The following DLGAP2 variants were observed in gnomAD, a reference collection of about 807,000 sequenced individuals.
DLGAP2 encodes the protein DLG associated protein 2, also known as disks large-associated protein 2.
DLGAP2 carries 26 observed loss-of-function variants against 100.3 expected under a neutral mutation model. The ratio of observed to expected loss-of-function variants is 0.26; its 90% CI spans 0.19 to 0.36. DLGAP2 has a LOEUF of 0.36. Ranked by LOEUF, DLGAP2 falls within the 10% of genes least tolerant of loss-of-function variation. The pLI is 1.00. For missense variants in DLGAP2, 1,858 were observed against 1,453.2 expected (o/e 1.28, Z -4.53); for synonymous variants, 886 against 630.1 (o/e 1.41, Z -6.08).
chr8:1,423,849 C>G (rs1181229990), intron 3 of DLGAP2, among the ~76,000 whole-genome samples: 1 of 152,178 alleles, frequency 6.6e-6, no homozygotes. Context: ...TTTCAAATGA[C>G]ACTTGCACGT....
intron 11 of DLGAP2, among the ~76,000 whole-genome samples, chr8:1,676,887 C>A (rs1012916861): frequency 6.6e-5 from 10 of 152,162 alleles, no homozygotes; most frequent in African/African-American, 2.4e-4. Flanking sequence ...AGTCAGAGTC[C>A]TTGATCCAAA....
At chr8:1,070,032 T>C (rs868057073) in intron 2 of DLGAP2, among the ~76,000 whole-genome samples, 2 of 152,340 alleles carry the variant, frequency 1.3e-5, no homozygotes, top group South Asian at 4.1e-4. Context: ...GACTTAAAAG[T>C]ATGTGTTTCT....
intron 3 of DLGAP2, among the ~76,000 whole-genome samples, chr8:1,422,190 C>T (rs374888238): frequency 3.3e-5 from 5 of 152,178 alleles, no homozygotes; most frequent in African/African-American, 7.2e-5. Context: ...GTCTTATGGC[C>T]GCTAGGAGAG....
chr8:1,184,873 G>T (rs1274988466), intron 2 of DLGAP2, among the ~76,000 whole-genome samples: 1 of 152,174 alleles, frequency 6.6e-6, no homozygotes, highest in Non-Finnish European at 1.5e-5. Context: ...AGGATCTCCA[G>T]GTTGGAGGGA....
chr8:1,062,281 C>G (rs1803107602), intron 2 of DLGAP2, among the ~76,000 whole-genome samples: 1 of 152,218 alleles, frequency 6.6e-6, no homozygotes, highest in Non-Finnish European at 1.5e-5. Context: ...GCCTGCCACG[C>G]TGCTGCAGTG....
intron 2 of DLGAP2, among the ~76,000 whole-genome samples, chr8:1,191,512 G>A (rs1797639267): frequency 6.6e-6 from 1 of 152,188 alleles, no homozygotes; most frequent in Non-Finnish European, 1.5e-5. Context: ...CCTGTCTAAA[G>A]TACTAAGTAA....
At position 1,668,635 on chromosome 8, in the gene DLGAP2, C is replaced by T. The variant is rs200981065; in HGVS notation, c.2117C>T (p.Ala706Val). 301 of 1,592,186 alleles carry T rather than the reference C, an allele frequency of 1.9e-4. 1 individual carries two copies. Among genetic ancestry groups the T allele is most frequent in the South Asian group, 1.4e-3 (120 of 87,148 alleles). Reference protein sequence around the residue: ...TSDKAILVSKAEELLKSRCSS... With the variant: ...TSDKAILVSKVEELLKSRCSS... Reference sequence around the variant, plus strand: ...GACAAGGCCATCCTGGTGTCCAAGGCGGAGGAGCTCCTCAAGAGCCGCTGC... The same window carrying T: ...GACAAGGCCATCCTGGTGTCCAAGGTGGAGGAGCTCCTCAAGAGCCGCTGC... Residue 706 changes from alanine to valine, a missense_variant, in exon 9 of 15, where the codon GCG (alanine) becomes GTG (valine). Transcript: ENST00000637795.
chr8:1,420,735 C>G (rs947225997), intron 3 of DLGAP2, among the ~76,000 whole-genome samples: 1 of 152,136 alleles, frequency 6.6e-6, no homozygotes, highest in African/African-American at 2.4e-5. Context: ...TATCACATAA[C>G]TCAGCTCCCT....
intron 6 of DLGAP2, among the ~76,000 whole-genome samples, chr8:1,567,219 G>T (rs998631966): frequency 6.6e-6 from 1 of 152,234 alleles, no homozygotes; most frequent in African/African-American, 2.4e-5. Flanking sequence ...GAAAGTGAAG[G>T]ATTGGACTGG....
At chr8:1,532,989 T>G (rs1432511915) in intron 4 of DLGAP2, among the ~76,000 whole-genome samples, 1 of 152,158 alleles carries the variant, frequency 6.6e-6, no homozygotes, top group Non-Finnish European at 1.5e-5. Flanking sequence ...CACCTGCACT[T>G]CTGTCTACTC....
At chr8:1,640,638 G>C (rs975554124) in intron 8 of DLGAP2, among the ~76,000 whole-genome samples, 7 of 152,244 alleles carry the variant, frequency 4.6e-5, no homozygotes, top group African/African-American at 1.4e-4. Flanking sequence ...GCATCATGAA[G>C]ACGCCATCCC....
At chr8:884,643 C>T (rs1009567168) in intron 1 of DLGAP2, among the ~76,000 whole-genome samples, 3 of 151,524 alleles carry the variant, frequency 2.0e-5, no homozygotes, top group Non-Finnish European at 4.4e-5. Flanking sequence ...TAATTAGATC[C>T]CATTTGCCAA....
chr8:1,516,904 T>C (rs547987054), intron 4 of DLGAP2, among the ~76,000 whole-genome samples: 8 of 152,316 alleles, frequency 5.3e-5, no homozygotes, highest in South Asian at 2.1e-4. Context: ...TGAGGAGATA[T>C]GTTTTGTTCT....
rs553455995 is a variant in DLGAP2 at position 843,413 on chromosome 8, A to G, written c.19-64499A>G. 5.3e-5 allele frequency among the ~76,000 whole-genome samples: 8 copies of G among 151,616 alleles called. No individual in the cohort carries two copies. In the South Asian group the frequency reaches 1.3e-3, roughly 24 times the overall value. ...TCACGGGGGCTGTCTTTACGGGGAG[A>G]CCCCTCTGCACACTGACTGCTGGTG... On this transcript the variant is annotated intron_variant, in intron 1 of 14. Transcript: ENST00000637795.
chr8:892,840 C>G (rs1290308628), intron 1 of DLGAP2, among the ~76,000 whole-genome samples: 1 of 152,144 alleles, frequency 6.6e-6, no homozygotes, highest in Non-Finnish European at 1.5e-5. Context: ...GCTTCTTAGT[C>G]CTACAGAAAT....
chr8:895,402 G>C (rs991311168), intron 1 of DLGAP2, among the ~76,000 whole-genome samples: 3 of 152,188 alleles, frequency 2.0e-5, no homozygotes, highest in Admixed American at 1.3e-4. Context: ...CTGAGACACA[G>C]CAGCTCTTTC....
intron 1 of DLGAP2, among the ~76,000 whole-genome samples, chr8:864,279 G>T (rs1276434270): frequency 6.6e-6 from 1 of 152,130 alleles, no homozygotes; most frequent in Non-Finnish European, 1.5e-5. Context: ...GTGCAGAAGG[G>T]TGACTACAGG....
rs113770276 is a variant in DLGAP2 at position 1,323,191 on chromosome 8, G to A, written c.106+64308G>A. Among the ~76,000 whole-genome samples the A allele has an allele frequency of 1.3e-3, 202 of 151,976 alleles. 1 individual carries two copies. Among genetic ancestry groups the A allele is most frequent in the African/African-American group, 4.4e-3 (182 of 41,448 alleles). Reference sequence around the variant, plus strand: ...ACTACAGGCACCAGCCTCCACGCCCGGCTTACTTTTTGTATTTTACTGGAG... The same window carrying A: ...ACTACAGGCACCAGCCTCCACGCCCAGCTTACTTTTTGTATTTTACTGGAG... On this transcript the variant is annotated intron_variant, in intron 3 of 14. Coordinates refer to ENST00000637795, the MANE Select transcript of DLGAP2 (RefSeq NM_001346810.2).
intron 2 of DLGAP2, among the ~76,000 whole-genome samples, chr8:1,001,384 A>G (rs554883878): frequency 5.3e-5 from 8 of 152,182 alleles, no homozygotes; most frequent in Non-Finnish European, 8.8e-5. Flanking sequence ...TCTAATTTTT[A>G]TCCTTTTTAG....
Sources: allele counts gnomAD v4.1 joint callset (sites outside exome capture counted in the v4.1 genomes callset), GRCh38; gene constraint gnomAD v4.1.1; transcripts MANE v1.5; gene names NCBI Gene and HGNC (gene_info 2026-07-23, HGNC 2026-07-21).